Variants in TENM4 observed in about 807,000 individuals in gnomAD.
The protein encoded by TENM4 is teneurin-4.
In TENM4, 82 loss-of-function variants were observed where a neutral mutation model predicts 243.3. That is an observed-to-expected ratio of 0.34 (90% CI 0.28 to 0.40). TENM4 has a LOEUF of 0.40. Among genes scored for constraint, TENM4 ranks in the 10% least tolerant of loss-of-function variants. The pLI is 1.00. For synonymous variants in TENM4, 1,412 were observed against 1,456.3 expected (o/e 0.97, Z 0.69); for missense variants, 3,138 against 3,673.3 (o/e 0.85, Z 3.77).
At chr11:79,108,117 G>A (rs1432547669) in intron 4 of TENM4, among the ~76,000 whole-genome samples, 1 of 152,220 alleles carries the variant, frequency 6.6e-6, no homozygotes, top group African/African-American at 2.4e-5. Context: ...AGGAACTGGA[G>A]ACCATCTGGG....
chr11:79,373,439 T>G (rs1274332036), intron 1 of TENM4, among the ~76,000 whole-genome samples: 2 of 151,976 alleles, frequency 1.3e-5, no homozygotes, highest in African/African-American at 2.4e-5. Context: ...GCTGGATGAA[T>G]GGATGGATGG....
chr11:79,290,010 G>T (rs1856327230), intron 2 of TENM4, among the ~76,000 whole-genome samples: 2 of 151,772 alleles, frequency 1.3e-5, no homozygotes, highest in Admixed American at 6.6e-5. Context: ...TAGCCAGGCG[G>T]GTCTTGAACT....
At chr11:79,050,891 T>C (rs1365749267) in intron 6 of TENM4, among the ~76,000 whole-genome samples, 1 of 152,124 alleles carries the variant, frequency 6.6e-6, no homozygotes, top group African/African-American at 2.4e-5. Context: ...ACTGGAGCCT[T>C]TTCACACTTG....
chr11:78,836,500 T>C (rs1018442126), intron 12 of TENM4, among the ~76,000 whole-genome samples: 2 of 151,728 alleles, frequency 1.3e-5, no homozygotes, highest in African/African-American at 4.8e-5. Context: ...AAAGAAAAAA[T>C]GGTATGTCAT....
intron 9 of TENM4, among the ~76,000 whole-genome samples, chr11:78,888,325 A>G (rs1055068747): frequency 3.3e-5 from 5 of 152,228 alleles, no homozygotes; most frequent in Admixed American, 3.3e-4. Flanking sequence ...CAACTAAACA[A>G]TCAGACAGAA....
chr11:78,662,721 C>T (rs765260525), intron 32 of TENM4, among the ~76,000 whole-genome samples: 4 of 152,090 alleles, frequency 2.6e-5, no homozygotes, highest in Non-Finnish European at 4.4e-5. Context: ...CTTCTATGTG[C>T]CCAGGACTAT....
intron 2 of TENM4, among the ~76,000 whole-genome samples, chr11:79,233,615 A>G (rs919394770): frequency 1.3e-5 from 2 of 152,022 alleles, no homozygotes; most frequent in Non-Finnish European, 2.9e-5. Flanking sequence ...ACACGGACCC[A>G]GGTGTTAGTA....
chr11:79,286,679 AT>A (rs951103187), intron 2 of TENM4, among the ~76,000 whole-genome samples: 4 of 151,434 alleles, frequency 2.6e-5, no homozygotes, highest in African/African-American at 2.4e-5. Flanking sequence ...CAAAAAAAAA[AT>A]TTTTTTTTAA....
Position 79,150,338 on chromosome 11 carries a change from G to T in TENM4, c.-162-1532C>A, listed in dbSNP as rs534997553. On this transcript the variant is annotated intron_variant, in intron 3 of 33. Transcript: ENST00000278550. ...TTAGGTCTTGGGTGCCAGAACATCA[G>T]TCTTGCAGGGGAGAGTGATGTTTAT... Among the ~76,000 whole-genome samples, 3 of 152,236 alleles carry T rather than the reference G, an allele frequency of 2.0e-5. No individual in the cohort carries two copies. The South Asian group carries it at 6.2e-4, about 32-fold the overall frequency.
In TENM4 at chr11:79,125,508, C is replaced by T. The variant is rs555122504; in HGVS notation, c.-66+23202G>A. ...CATGCACAGCCTCACCAGGTGTCTA[C>T]GGTTAAAGTGAAGGCATTGATTGAA... On this transcript the variant is annotated intron_variant, in intron 4 of 33. Coordinates refer to ENST00000278550, the MANE Select transcript of TENM4 (RefSeq NM_001098816.3). Among the ~76,000 whole-genome samples the T allele has an allele frequency of 1.3e-4, 20 of 152,202 alleles. No individual in the cohort carries two copies. The East Asian group carries it at 2.7e-3, about 21-fold the overall frequency.
At chr11:79,356,517 C>G (rs1221342959) in intron 1 of TENM4, among the ~76,000 whole-genome samples, 3 of 152,172 alleles carry the variant, frequency 2.0e-5, no homozygotes, top group African/African-American at 7.2e-5. Context: ...TAGCTTGACT[C>G]TATTCTCCAT....
intron 27 of TENM4, among the ~76,000 whole-genome samples, chr11:78,705,232 A>C (rs1168720131): frequency 1.3e-5 from 2 of 152,214 alleles, no homozygotes; most frequent in East Asian, 3.9e-4. Context: ...GCCTGTCGTT[A>C]TGATGAAAAG....
chr11:79,421,480 T>A (rs956166454), intron 1 of TENM4, among the ~76,000 whole-genome samples: 8 of 152,248 alleles, frequency 5.3e-5, no homozygotes, highest in Non-Finnish European at 8.8e-5. Context: ...GTGATTTTTA[T>A]TGAAACTATA....
rs1165677707 is a variant in TENM4, at chr11:79,438,490, G to T, written c.-321+2019C>A. 6.6e-6 allele frequency among the ~76,000 whole-genome samples: 1 copy of T among 152,164 alleles called. No individual in the cohort carries two copies. The highest frequency in any genetic ancestry group is 1.5e-5 in the Non-Finnish European group (1 of 68,040). On this transcript the variant is annotated intron_variant, in intron 1 of 33. Coordinates refer to ENST00000278550, the MANE Select transcript of TENM4 (RefSeq NM_001098816.3). This position sits in a 1 kb window ranked among gnomAD's most constrained non-coding sequence, Gnocchi z 4.1. ...GAAACCAGGAATAGGTGTAGGTAAG[G>T]GTGGCAGCCCGGCAGAGCCAGCGTT... is the stretch of plus-strand genomic sequence containing the variant.
At chr11:78,723,067 C>T (rs117214320) in intron 23 of TENM4, 150 bp from the exon 24 acceptor site, 46 of 1,016,772 alleles carry the variant, frequency 4.5e-5, no homozygotes, top group Middle Eastern at 3.0e-4. Context: ...CCTCACCCCC[C>T]CAATGGAACC....
intron 17 of TENM4, among the ~76,000 whole-genome samples, chr11:78,772,189 A>G (rs945960399): frequency 6.6e-6 from 1 of 152,192 alleles, no homozygotes; most frequent in African/African-American, 2.4e-5. Flanking sequence ...TTTTTAAAAA[A>G]TACTATTAAA....
intron 25 of TENM4, among the ~76,000 whole-genome samples, chr11:78,717,214 A>G (rs572676366): frequency 6.6e-6 from 1 of 152,316 alleles, no homozygotes; most frequent in Admixed American, 6.5e-5. Context: ...GCTGAAGCCA[A>G]GCTTCACTCT....
At chr11:79,418,755 T>C (rs1858871485) in intron 1 of TENM4, among the ~76,000 whole-genome samples, 1 of 152,238 alleles carries the variant, frequency 6.6e-6, no homozygotes, top group African/African-American at 2.4e-5. Context: ...ATGTCCCCTG[T>C]ACATTTACAC....
chr11:79,399,620 C>T (rs538904720), intron 1 of TENM4, among the ~76,000 whole-genome samples: 12 of 152,166 alleles, frequency 7.9e-5, no homozygotes, highest in South Asian at 4.2e-4. Context: ...TGCTTGAATA[C>T]ATTTGTTTAT....
Sources: gnomAD v4.1 joint callset for allele counts (sites outside exome capture counted in the v4.1 genomes callset) on GRCh38, gnomAD v4.1.1 for gene constraint, Gnocchi (gnomAD v3.1) non-coding constraint, MANE v1.5 for transcripts, NCBI Gene and HGNC (gene_info 2026-07-23, HGNC 2026-07-21) for gene names.